Variants in GRID2 observed in about 807,000 individuals in gnomAD.
GRID2 encodes glutamate receptor ionotropic, delta-2.
A neutral mutation model predicts 114.8 loss-of-function variants in GRID2; 33 were observed. The ratio of observed to expected loss-of-function variants is 0.29; its 90% CI spans 0.22 to 0.38. The LOEUF is 0.38. Ranked by LOEUF, GRID2 falls within the 10% of genes least tolerant of loss-of-function variation. The pLI, the probability that GRID2 is intolerant of heterozygous loss-of-function variation, is 1.00. For synonymous variants in GRID2, 505 were observed against 449.9 expected, an observed-to-expected ratio of 1.12 and a Z score of -1.55; for missense variants, 1,184 against 1,257.7, an observed-to-expected ratio of 0.94 and a Z score of 0.89.
Position 93,647,957 on chromosome 4 carries a change from A to T in GRID2, c.2360+21522A>T, listed in dbSNP as rs960625679. On this transcript the variant is annotated intron_variant, in intron 14 of 15. Transcript: ENST00000282020. ...CTTATAACACCCCAGAAGAGCTGCT[A>T]TTATCGTTTCATTTTATAGTCAAGG... 9.2e-5 allele frequency among the ~76,000 whole-genome samples: 14 copies of T among 152,252 alleles called. No individual in the cohort carries two copies. The East Asian group carries it at 2.7e-3, about 29-fold the overall frequency.
intron 3 of GRID2, among the ~76,000 whole-genome samples, chr4:93,087,913 A>G (rs1730465967): frequency 6.6e-6 from 1 of 152,124 alleles, no homozygotes; most frequent in Admixed American, 6.6e-5. Flanking sequence ...CAGTGTCATC[A>G]TTTTAAGTTC....
At chr4:93,803,059 G>T (rs1373336999) in intron 1 of GRID2, among the ~76,000 whole-genome samples, 5 of 152,200 alleles carry the variant, frequency 3.3e-5, no homozygotes, top group Non-Finnish European at 5.9e-5. Context: ...TGGAATGAAA[G>T]GTAGAATCCT....
Position 93,345,080 on chromosome 4 carries a change from G to A in GRID2, c.1246-50527G>A, listed in dbSNP as rs1217988452. ...ATGAACACTTAGGTTGGCTGATTCC[G>A]TATCTTGGCTATTGTAAATAATGCT... On this transcript the variant is annotated intron_variant, in intron 8 of 15. Transcript: ENST00000282020. Among the ~76,000 whole-genome samples the A allele has an allele frequency of 5.3e-5, 8 of 151,334 alleles. No homozygotes were observed. The East Asian group carries it at 5.9e-4, about 11-fold the overall frequency.
chr4:93,593,029 T>A (rs1198068436), intron 13 of GRID2, among the ~76,000 whole-genome samples: 2 of 151,966 alleles, frequency 1.3e-5, no homozygotes, highest in African/African-American at 4.8e-5. Flanking sequence ...AGTCTGTGTC[T>A]TTTAATTGGA....
Position 92,485,326 on chromosome 4 carries a change from A to AG in GRID2, c.89-104805_89-104804insG, listed in dbSNP as rs1238416531. Among the ~76,000 whole-genome samples the AG allele has an allele frequency of 1.4e-4, 15 of 110,252 alleles. No individual in the cohort carries two copies. In the East Asian group the frequency reaches 1.6e-3, roughly 12 times the overall value. The allele number at this position is 110,252 out of a possible 152,430, so 72.3% of individuals were successfully genotyped here. On this transcript the variant is annotated intron_variant, in intron 1 of 15. Transcript: ENST00000282020. Reference sequence around the variant, plus strand: ...CATATATATATATATATATATATATATATATATATATATATATATATAGTG... The same window carrying AG: ...CATATATATATATATATATATATATAGTATATATATATATATATATATAGTG...
chr4:93,053,502 G>T (rs552285703), intron 2 of GRID2, among the ~76,000 whole-genome samples: 1 of 151,762 alleles, frequency 6.6e-6, no homozygotes, highest in African/African-American at 2.4e-5. Context: ...TCTCTCCTTC[G>T]AAGGCACAGA....
At chr4:93,575,243 A>T (rs1196014210) in intron 13 of GRID2, among the ~76,000 whole-genome samples, 1 of 152,190 alleles carries the variant, frequency 6.6e-6, no homozygotes, top group Non-Finnish European at 1.5e-5. Context: ...AACAGTCTAC[A>T]CACAAATGTA....
At chr4:93,742,773 A>G (rs764788527) in intron 14 of GRID2, among the ~76,000 whole-genome samples, 15 of 152,114 alleles carry the variant, frequency 9.9e-5, no homozygotes, top group Non-Finnish European at 2.2e-4. Flanking sequence ...CATTCCCCTC[A>G]TATCTCTCCT....
chr4:92,833,829 T>A (rs761661611), intron 2 of GRID2: 4 of 152,248 alleles, frequency 2.6e-5, no homozygotes, highest in Non-Finnish European at 5.9e-5. Flanking sequence ...TGCATAGCAC[T>A]GAGCCTCCTA....
At position 92,641,751 on chromosome 4, in the gene GRID2, G is replaced by A. The variant is rs149543338; in HGVS notation, c.244+51465G>A. ...ATATTGCACCCAGGTAGTGAGTATA[G>A]TACCCAATAGGTAGCTTTACGATGC... On this transcript the variant is annotated intron_variant, in intron 2 of 15. Transcript: ENST00000282020. 8.7e-3 allele frequency among the ~76,000 whole-genome samples: 1,322 copies of A among 151,666 alleles called. 12 individuals are homozygous for A. Among genetic ancestry groups the A allele is most frequent in the Non-Finnish European group, 0.013 (913 of 67,820 alleles).
intron 2 of GRID2, among the ~76,000 whole-genome samples, chr4:92,776,481 C>T (rs565915666): frequency 8.8e-4 from 134 of 151,996 alleles, no homozygotes; most frequent in Middle Eastern, 3.4e-3. Context: ...TGAGTGTGCT[C>T]CTTGTGTAGG....
intron 13 of GRID2, among the ~76,000 whole-genome samples, chr4:93,516,753 T>C (rs1388612364): frequency 2.0e-5 from 3 of 152,058 alleles, no homozygotes; most frequent in African/African-American, 7.2e-5. Context: ...ACTCATAGCA[T>C]GTTAATGAAT....
intron 2 of GRID2, among the ~76,000 whole-genome samples, chr4:92,941,737 T>A (rs556940021): frequency 6.8e-4 from 103 of 152,316 alleles, no homozygotes; most frequent in African/African-American, 2.4e-3. Context: ...CACACTGCTT[T>A]GAATGTGTCC....
At chr4:93,238,611 A>T in intron 8 of GRID2, 121 bp downstream of exon 8, 738 of 588,746 alleles carry the variant, frequency 1.3e-3, no homozygotes, top group Non-Finnish European at 1.5e-3. Context: ...AAGAGAAAGC[A>T]GGGGGTGAGG....
intron 2 of GRID2, among the ~76,000 whole-genome samples, chr4:92,834,324 A>T (rs918692469): frequency 7.9e-5 from 12 of 152,162 alleles, no homozygotes. Context: ...AAGATAATAA[A>T]ACCATTTTTC....
At chr4:93,257,465 T>A (rs1239852575) in intron 8 of GRID2, among the ~76,000 whole-genome samples, 1 of 151,764 alleles carries the variant, frequency 6.6e-6, no homozygotes, top group African/African-American at 2.4e-5. Context: ...TGGCATAATT[T>A]AAGAAACATT....
At chr4:93,611,862 G>T (rs1030146093) in intron 13 of GRID2, among the ~76,000 whole-genome samples, 2 of 151,618 alleles carry the variant, frequency 1.3e-5, no homozygotes, top group African/African-American at 2.4e-5. Context: ...TCAATTCCTG[G>T]GTATCCTTGT....
At chr4:92,583,492 A>G (rs9684124) in intron 1 of GRID2, among the ~76,000 whole-genome samples, 57,606 of 151,642 alleles carry the variant, frequency 0.38, 10,948 homozygotes, top group Middle Eastern at 0.46. Flanking sequence ...CATGATAAAA[A>G]GATACAGGGT....
chr4:93,242,334 T>A (rs538828295), intron 8 of GRID2, among the ~76,000 whole-genome samples: 1 of 151,738 alleles, frequency 6.6e-6, no homozygotes, highest in Non-Finnish European at 1.5e-5. Flanking sequence ...TTGGCTCACA[T>A]GAGGCTAGAG....
Sources: allele counts gnomAD v4.1 joint callset (sites outside exome capture counted in the v4.1 genomes callset), GRCh38; gene constraint gnomAD v4.1.1; transcripts MANE v1.5; gene names NCBI Gene and HGNC (gene_info 2026-07-23, HGNC 2026-07-21).